Variants in FILIP1L observed in about 807,000 individuals in gnomAD.
FILIP1L encodes filamin A-interacting protein 1-like.
In FILIP1L, 55 loss-of-function variants were observed where a neutral mutation model predicts 96.6. The ratio of observed to expected loss-of-function variants is 0.57; its 90% CI spans 0.46 to 0.71. FILIP1L has a LOEUF of 0.71. Ranked by LOEUF, FILIP1L falls within the 30% of genes least tolerant of loss-of-function variation. The pLI is 0.00. For missense variants in FILIP1L, 1,304 were observed against 1,321.2 expected, an observed-to-expected ratio of 0.99 and a Z score of 0.20; for synonymous variants, 467 against 473.9, an observed-to-expected ratio of 0.99 and a Z score of 0.19.
At chr3:99,868,266 G>T (rs1233375254) in intron 4 of FILIP1L, among the ~76,000 whole-genome samples, 6 of 150,330 alleles carry the variant, frequency 4.0e-5, no homozygotes, top group African/African-American at 1.5e-4. Context: ...AAGGTAAAGG[G>T]TAACCTCTCC....
At chr3:100,055,479 G>A (rs888569750) in intron 1 of FILIP1L, among the ~76,000 whole-genome samples, 5 of 152,062 alleles carry the variant, frequency 3.3e-5, no homozygotes, top group Admixed American at 2.0e-4. Flanking sequence ...TTTGTCTCTC[G>A]TTAAGTATTT....
chr3:100,066,892 A>G (rs2065674866), intron 1 of FILIP1L, among the ~76,000 whole-genome samples: 1 of 152,174 alleles, frequency 6.6e-6, no homozygotes, highest in South Asian at 2.1e-4. Flanking sequence ...TTACTTGACC[A>G]TACCATATTT....
At chr3:100,020,488 T>C (rs781261567) in intron 1 of FILIP1L, among the ~76,000 whole-genome samples, 1 of 152,136 alleles carries the variant, frequency 6.6e-6, no homozygotes, top group Non-Finnish European at 1.5e-5. Flanking sequence ...TAGGCTCTAA[T>C]CGTTTTGAAG....
intron 4 of FILIP1L, 138 bp downstream of exon 4, chr3:99,924,092 A>G: frequency 1.3e-6 from 1 of 748,110 alleles, no homozygotes; most frequent in Non-Finnish European, 2.3e-6. Context: ...CTTCAAACAT[A>G]TCCTTTTCCT....
chr3:99,866,840 G>A (rs1442621584), intron 4 of FILIP1L, among the ~76,000 whole-genome samples: 2 of 152,170 alleles, frequency 1.3e-5, no homozygotes, highest in African/African-American at 4.8e-5. Context: ...GTTTTATTCT[G>A]TAATCTGCTG....
At chr3:99,961,004 G>A (rs528518518) in intron 1 of FILIP1L, among the ~76,000 whole-genome samples, 2 of 151,972 alleles carry the variant, frequency 1.3e-5, no homozygotes, top group South Asian at 2.1e-4. Flanking sequence ...TGTGCAGATC[G>A]CAGGTTTTAT....
intron 4 of FILIP1L, among the ~76,000 whole-genome samples, chr3:99,899,896 TGCTTAGAGTAGG>T (rs953995562): frequency 3.0e-4 from 45 of 152,336 alleles, no homozygotes; most frequent in African/African-American, 9.9e-4. Flanking sequence ...AAACTTTAAG[TGCTTAGAGTAGG>T]GCTTAACTAG....
At chr3:100,111,671 G>A (rs2066493527) in intron 1 of FILIP1L, among the ~76,000 whole-genome samples, 1 of 152,086 alleles carries the variant, frequency 6.6e-6, no homozygotes, top group African/African-American at 2.4e-5. Flanking sequence ...TTGAACCCTA[G>A]ACTTCTAAGA....
Position 100,104,529 on chromosome 3 carries a change from A to T in FILIP1L, c.-11+9524T>A, listed in dbSNP as rs1333800928. Among the ~76,000 whole-genome samples the T allele has an allele frequency of 2.6e-5, 4 of 152,312 alleles. No individual in the cohort carries two copies. The South Asian group carries it at 6.2e-4, about 24-fold the overall frequency. On this transcript the variant is annotated intron_variant, in intron 1 of 5. Coordinates refer to ENST00000477258, the MANE Select transcript of FILIP1L (RefSeq NM_001387850.1). Reference sequence around the variant, plus strand: ...TTTGTTTAAAGAACAATGGCTTGGAACATAGGCCTGTGTTCCCAAGACCCA... The same window carrying T: ...TTTGTTTAAAGAACAATGGCTTGGATCATAGGCCTGTGTTCCCAAGACCCA...
intron 4 of FILIP1L, among the ~76,000 whole-genome samples, chr3:99,864,715 C>T (rs1416911311): frequency 6.6e-6 from 1 of 152,050 alleles, no homozygotes; most frequent in Non-Finnish European, 1.5e-5. Context: ...GCTCCTCTGC[C>T]CACTCACCAG....
chr3:99,929,368 C>A (rs1485755776), intron 3 of FILIP1L, among the ~76,000 whole-genome samples: 1 of 152,200 alleles, frequency 6.6e-6, no homozygotes, highest in Non-Finnish European at 1.5e-5. Flanking sequence ...TTTTTAAAAA[C>A]TCTATTTCTT....
At chr3:100,068,340 G>A (rs965552105) in intron 1 of FILIP1L, among the ~76,000 whole-genome samples, 1 of 138,622 alleles carries the variant, frequency 7.2e-6, no homozygotes, top group Non-Finnish European at 1.6e-5. Context: ...CATGAATGAT[G>A]AAAGAGCCTC....
intron 1 of FILIP1L, among the ~76,000 whole-genome samples, chr3:100,082,197 T>C (rs948713590): frequency 6.6e-6 from 1 of 152,224 alleles, no homozygotes; most frequent in Non-Finnish European, 1.5e-5. Flanking sequence ...ACATTATTGC[T>C]AAAGAGTCAT....
At chr3:99,852,346 A>G (rs1248385149) in intron 4 of FILIP1L, among the ~76,000 whole-genome samples, 1 of 152,220 alleles carries the variant, frequency 6.6e-6, no homozygotes, top group Non-Finnish European at 1.5e-5. Context: ...TATCTTTTCT[A>G]TTAGGAATGA....
At chr3:99,991,047 G>A (rs546492465) in intron 1 of FILIP1L, among the ~76,000 whole-genome samples, 1 of 152,244 alleles carries the variant, frequency 6.6e-6, no homozygotes, top group South Asian at 2.1e-4. Context: ...TCTGGTCCAT[G>A]AGTTCCCGTA....
rs144848896 is a variant in FILIP1L at position 100,071,723 on chromosome 3, C to T, written c.-11+42330G>A. ...CATAATTGCTCTTTCTTGGCCAAGA[C>T]TGCTCCTCCCCAAATGATCCTTGTC... On this transcript the variant is annotated intron_variant, in intron 1 of 5. Transcript: ENST00000477258. 8.5e-3 allele frequency among the ~76,000 whole-genome samples: 1,292 copies of T among 152,268 alleles called. 3 individuals are homozygous for T. Among genetic ancestry groups the T allele is most frequent in the Middle Eastern group, 0.044 (13 of 294 alleles).
chr3:100,049,529 T>A (rs1307440903), intron 1 of FILIP1L, among the ~76,000 whole-genome samples: 1 of 152,152 alleles, frequency 6.6e-6, no homozygotes, highest in African/African-American at 2.4e-5. Flanking sequence ...AAAATTAAAA[T>A]AATTCATTGA....
intron 1 of FILIP1L, among the ~76,000 whole-genome samples, chr3:100,108,331 A>G (rs954637481): frequency 1.3e-5 from 2 of 152,156 alleles, no homozygotes; most frequent in Non-Finnish European, 2.9e-5. Context: ...TATATTAATG[A>G]TAATGATAAT....
chr3:100,096,783 A>G (rs1438970905), intron 1 of FILIP1L, among the ~76,000 whole-genome samples: 1 of 152,232 alleles, frequency 6.6e-6, no homozygotes, highest in East Asian at 1.9e-4. Context: ...ATTGTTTGTA[A>G]CACAAAGGAT....
Sources: allele counts gnomAD v4.1 joint callset (sites outside exome capture counted in the v4.1 genomes callset), GRCh38; gene constraint gnomAD v4.1.1; transcripts MANE v1.5; gene names NCBI Gene and HGNC (gene_info 2026-07-23, HGNC 2026-07-21).